Variants in RSU1 observed in about 807,000 individuals in gnomAD.
RSU1 encodes rsu-1.
Under a neutral mutation model 31.1 loss-of-function variants are expected in RSU1, and 26 were observed. That is an observed-to-expected ratio of 0.84 (90% CI 0.61 to 1.16). RSU1 has a LOEUF of 1.16. Among genes scored for constraint, RSU1 ranks in the 50% most tolerant of loss-of-function variants. The probability of loss-of-function intolerance (pLI) is 0.00; values close to 1 mark genes in which losing one functional copy is unlikely to be tolerated. For missense variants in RSU1, 320 were observed against 339.1 expected (o/e 0.94, Z 0.44); for synonymous variants, 164 against 136.3 (o/e 1.20, Z -1.41).
intron 8 of RSU1, among the ~76,000 whole-genome samples, chr10:16,613,501 T>A (rs933938904): frequency 3.9e-5 from 6 of 152,204 alleles, no homozygotes; most frequent in Admixed American, 6.5e-5. Flanking sequence ...AGCCTGGGCA[T>A]CTTTCGTTTT....
chr10:16,692,399 CTATAAAT>C (rs762830686), intron 8 of RSU1, among the ~76,000 whole-genome samples: 136 of 152,252 alleles, frequency 8.9e-4, no homozygotes, highest in Non-Finnish European at 1.7e-3. Context: ...TTCTCATCCT[CTATAAAT>C]TATAAAGTGA....
chr10:16,623,313 C>T (rs368856944), intron 8 of RSU1, among the ~76,000 whole-genome samples: 2 of 152,116 alleles, frequency 1.3e-5, no homozygotes, highest in African/African-American at 2.4e-5. Context: ...TGTGTTAATT[C>T]GCTTAGGATA....
At chr10:16,630,400 C>T (rs1017092058) in intron 8 of RSU1, among the ~76,000 whole-genome samples, 1 of 152,208 alleles carries the variant, frequency 6.6e-6, no homozygotes, top group Admixed American at 6.5e-5. Flanking sequence ...TTTTGACAAA[C>T]TCACAATAGA....
rs754585297 is a variant in RSU1, at chr10:16,701,470, G to A, written c.599-6315C>T. Among the ~76,000 whole-genome samples, 50 of 152,264 alleles carry A rather than the reference G, an allele frequency of 3.3e-4. 1 individual carries two copies. Among genetic ancestry groups the A allele is most frequent in the Non-Finnish European group, 5.6e-4 (38 of 68,022 alleles). ...GAATGCAAGGCCACACTGTCATTCCGGCAACTGTCTGCTTGGCCTTTCCAG... is the reference window on the plus strand; with the variant it reads ...GAATGCAAGGCCACACTGTCATTCCAGCAACTGTCTGCTTGGCCTTTCCAG... On this transcript the variant is annotated intron_variant, in intron 7 of 8. Coordinates refer to ENST00000345264, the MANE Select transcript of RSU1 (RefSeq NM_012425.4).
In RSU1 at chr10:16,593,299, C is replaced by T; in HGVS notation, c.*95G>A. The T allele has an allele frequency of 6.4e-7, 1 of 1,567,056 alleles. No homozygotes were observed. The highest frequency in any genetic ancestry group is 8.6e-7 in the Non-Finnish European group (1 of 1,156,944). ...GAAAAGAAAAATAAAAAAGGCCTCA[C>T]ACGCAGCATTGGGTTTATTTGAGAG... On this transcript the variant is annotated 3_prime_UTR_variant, in exon 9 of 9. Coordinates refer to ENST00000345264, the MANE Select transcript of RSU1 (RefSeq NM_012425.4).
At chr10:16,721,472 T>A (rs921046373) in intron 7 of RSU1, 3 of 152,196 alleles carry the variant, frequency 2.0e-5, no homozygotes, top group Non-Finnish European at 4.4e-5. Context: ...CTGCTTCCAA[T>A]AGAACACTTG....
At chr10:16,762,386 G>C (rs539565507) in intron 4 of RSU1, among the ~76,000 whole-genome samples, 58 of 151,316 alleles carry the variant, frequency 3.8e-4, no homozygotes, top group Non-Finnish European at 8.2e-4. Flanking sequence ...TCTATATGTA[G>C]TTTTAGCTTC....
intron 7 of RSU1, among the ~76,000 whole-genome samples, chr10:16,729,767 C>G (rs1588498790): frequency 6.6e-6 from 1 of 152,316 alleles, no homozygotes; most frequent in East Asian, 1.9e-4. Context: ...TCATCCCGCC[C>G]TCTCCTCTGT....
chr10:16,621,616 A>G (rs1438220414), intron 8 of RSU1, among the ~76,000 whole-genome samples: 2 of 152,242 alleles, frequency 1.3e-5, no homozygotes, highest in Non-Finnish European at 2.9e-5. Flanking sequence ...CCTCACAATC[A>G]CGGTGGAAGG....
Position 16,754,948 on chromosome 10 carries a change from A to T in RSU1, c.323T>A (p.Leu108Gln). The change falls in exon 5 of 9, where the codon CTG (leucine) becomes CAG (glutamine). Residue 108 changes from leucine to glutamine, a missense_variant. Leu to Gln is a moderately radical substitution (Grantham distance 113, BLOSUM62 -2). Transcript: ENST00000345264. ...LNTLPRGFGS[L>Q]PALEVLDLTY... is the part of the protein sequence containing the mutation. The stretch of plus-strand genomic sequence containing the variant: ...CAAGTCCAGAACCTCAAGAGCTGGC[A>T]GGGAGCCGAAGCCTCGTGGCAAAGT... 6.2e-7 allele frequency: 1 copy of T among 1,613,802 alleles called. No homozygotes were observed. The highest frequency in any genetic ancestry group is 2.2e-5 in the East Asian group (1 of 44,864).
intron 8 of RSU1, among the ~76,000 whole-genome samples, chr10:16,672,667 C>T (rs1835132569): frequency 6.6e-6 from 1 of 151,624 alleles, no homozygotes; most frequent in African/African-American, 2.4e-5. Flanking sequence ...GAACACTCTA[C>T]AAAATGCAAA....
chr10:16,749,926 G>A (rs531766642), intron 7 of RSU1, among the ~76,000 whole-genome samples: 67 of 152,258 alleles, frequency 4.4e-4, no homozygotes, highest in African/African-American at 1.3e-3. Flanking sequence ...GGACCTCACC[G>A]TGATCAGGAA....
At chr10:16,798,708 T>A (rs1838089982) in intron 2 of RSU1, among the ~76,000 whole-genome samples, 1 of 152,174 alleles carries the variant, frequency 6.6e-6, no homozygotes, top group South Asian at 2.1e-4. Flanking sequence ...ATTTTCAAAC[T>A]TTAAAGAGCA....
intron 8 of RSU1, among the ~76,000 whole-genome samples, chr10:16,604,280 C>A (rs992669838): frequency 6.6e-6 from 1 of 152,190 alleles, no homozygotes; most frequent in African/African-American, 2.4e-5. Flanking sequence ...CCAGCCTTAA[C>A]TCCCAGACCA....
chr10:16,694,936 G>C, intron 8 of RSU1, 87 bp downstream of exon 8: 1 of 1,267,500 alleles, frequency 7.9e-7, no homozygotes, highest in Non-Finnish European at 1.1e-6. Context: ...CCATCAATAG[G>C]ATACTGTCAC....
chr10:16,640,793 G>A (rs534686342), intron 8 of RSU1, among the ~76,000 whole-genome samples: 10 of 152,304 alleles, frequency 6.6e-5, no homozygotes, highest in African/African-American at 2.2e-4. Flanking sequence ...AGCTCTCATA[G>A]CACAGCCTGA....
chr10:16,594,706 TAA>T lies in RSU1; in HGVS notation c.732-1212_732-1211del, dbSNP rs1490270884. 2.2e-4 allele frequency among the ~76,000 whole-genome samples: 32 copies of T among 147,474 alleles called. No homozygotes were observed. In the Admixed American group the frequency reaches 2.2e-3, roughly 10 times the overall value. On this transcript the variant is annotated intron_variant, in intron 8 of 8. Transcript: ENST00000345264. The stretch of plus-strand genomic sequence containing the variant: ...ATCTGTATATTATATGTATCATAGA[TAA>T]TATATGATACATATAGATAATATAT...
chr10:16,652,750 A>T (rs1834709616), intron 8 of RSU1, among the ~76,000 whole-genome samples: 1 of 152,080 alleles, frequency 6.6e-6, no homozygotes, highest in Non-Finnish European at 1.5e-5. Context: ...TGGTGTGATC[A>T]CGGCTCACTG....
intron 3 of RSU1, among the ~76,000 whole-genome samples, chr10:16,779,993 A>C (rs1459040555): frequency 6.6e-6 from 1 of 152,192 alleles, no homozygotes; most frequent in Non-Finnish European, 1.5e-5. Context: ...AATGGAGTGA[A>C]GAAAAGGAAA....
Sources: gnomAD v4.1 joint callset for allele counts (sites outside exome capture counted in the v4.1 genomes callset) on GRCh38, gnomAD v4.1.1 for gene constraint, MANE v1.5 for transcripts, NCBI Gene and HGNC (gene_info 2026-07-23, HGNC 2026-07-21) for gene names.